Variants in MIOS observed in about 807,000 individuals in gnomAD.
MIOS encodes meiosis regulator for oocyte development, also known as GATOR2 complex protein MIOS.
Under a neutral mutation model 96.9 loss-of-function variants are expected in MIOS, and 52 were observed. That is an observed-to-expected ratio of 0.54 (90% CI 0.43 to 0.68). MIOS has a LOEUF of 0.68. Among genes scored for constraint, MIOS ranks in the 30% least tolerant of loss-of-function variants. The pLI, the probability that MIOS is intolerant of heterozygous loss-of-function variation, is 0.00. For missense variants in MIOS, 1,005 were observed against 1,052.8 expected, an observed-to-expected ratio of 0.95 and a Z score of 0.63; for synonymous variants, 397 against 359.5, an observed-to-expected ratio of 1.10 and a Z score of -1.18.
In MIOS at chr7:7,585,758, A is replaced by T. The variant is rs1783868800; in HGVS notation, c.1771A>T (p.Met591Leu). The T allele has an allele frequency of 6.2e-7, 1 of 1,611,910 alleles. No individual in the cohort carries two copies. The highest frequency in any genetic ancestry group is 1.3e-5 in the African/African-American group (1 of 74,798). Residue 591 changes from methionine to leucine, a missense_variant, in exon 7 of 13, where the codon ATG (methionine) becomes TTG (leucine). Met to Leu is a conservative substitution (Grantham distance 15). Coordinates refer to ENST00000340080, the MANE Select transcript of MIOS (RefSeq NM_019005.4). ...LQLNNPYLCVMFAFLTSETGS... is the reference protein window; with the variant it reads ...LQLNNPYLCVLFAFLTSETGS... ...GCTAAATAACCCGTATTTGTGTGTC[A>T]TGTTTGCATTTCTGACAAGTGAAAC...
Position 7,572,818 on chromosome 7 carries a change from C to T in MIOS, c.343C>T (p.Gln115Ter). The T allele has an allele frequency of 6.2e-7, 1 of 1,614,136 alleles. No homozygotes were observed. The highest frequency in any genetic ancestry group is 8.5e-7 in the Non-Finnish European group (1 of 1,179,986). Residue 115 changes from glutamine to a stop codon, truncating the protein, a stop_gained, in exon 4 of 13, where the codon CAA becomes TAA. Coordinates refer to ENST00000340080, the MANE Select transcript of MIOS (RefSeq NM_019005.4). LOFTEE classifies it high-confidence loss of function. The surrounding 1 kb of genome is among the most constrained non-coding windows in gnomAD (Gnocchi z 4.8). ...AGAGTTTGTTCCAAAACATGCACGA[C>T]AATGTAATACCCTTGCCTGGAATCC... ...GKEFVPKHARQCNTLAWNPLD... is the reference protein window; with the variant it reads ...GKEFVPKHAR
intron 11 of MIOS, among the ~76,000 whole-genome samples, chr7:7,597,231 C>T (rs1366600819): frequency 6.6e-6 from 1 of 151,158 alleles, no homozygotes; most frequent in African/African-American, 2.4e-5. Context: ...GAGGCTGAGG[C>T]AGGAGAATTG....
chr7:7,583,916 A>G (rs1783806324), intron 6 of MIOS, among the ~76,000 whole-genome samples: 2 of 152,138 alleles, frequency 1.3e-5, no homozygotes, highest in Admixed American at 1.3e-4. Context: ...TTTTAAAAAG[A>G]AAGAGATAAG....
At chr7:7,598,902 T>C (rs140598186) in intron 11 of MIOS, among the ~76,000 whole-genome samples, 3 of 152,240 alleles carry the variant, frequency 2.0e-5, no homozygotes, top group East Asian at 1.9e-4. Context: ...ATATTTGTTA[T>C]AGAATTTTTT....
At chr7:7,603,353 T>TC (rs1784433075) in intron 11 of MIOS, among the ~76,000 whole-genome samples, 1 of 151,472 alleles carries the variant, frequency 6.6e-6, no homozygotes, top group Non-Finnish European at 1.5e-5. Flanking sequence ...TACAATGAAC[T>TC]GAAACAAATT....
rs1783783917 is a variant in MIOS at position 7,583,169 on chromosome 7, A to C, written c.1445A>C (p.Asp482Ala). ...TGGAGTGGGTTGGATAAGCAAAGTGATATTCAAAATTTAAATGAAGAGAGA... is the reference window on the plus strand; with the variant it reads ...TGGAGTGGGTTGGATAAGCAAAGTGCTATTCAAAATTTAAATGAAGAGAGA... ...HNWSGLDKQS[D>A]IQNLNEERIL... Residue 482 changes from aspartate to alanine, a missense_variant, in exon 6 of 13, where the codon GAT (aspartate) becomes GCT (alanine). Physicochemically the swap from Asp to Ala is moderately radical, Grantham distance 126. This residue lies in a region of MIOS where 865 missense variants were observed against 887.9 expected (regional missense o/e 0.97). Transcript: ENST00000340080. The C allele has an allele frequency of 6.2e-7, 1 of 1,614,168 alleles. No homozygotes were observed. Among genetic ancestry groups the C allele is most frequent in the Non-Finnish European group, 8.5e-7 (1 of 1,179,992 alleles).
chr7:7,569,057 G>C (rs1783255288), intron 3 of MIOS, among the ~76,000 whole-genome samples: 1 of 152,358 alleles, frequency 6.6e-6, no homozygotes, highest in African/African-American at 2.4e-5. Context: ...GTTGTGGAAT[G>C]AAAGCCTAGA....
chr7:7,575,334 A>G (rs1783494741), intron 5 of MIOS, among the ~76,000 whole-genome samples: 1 of 152,052 alleles, frequency 6.6e-6, no homozygotes. Flanking sequence ...ACGTCTTTCA[A>G]ATTACTTTGG....
At chr7:7,603,798 A>G (rs1266334447) in intron 11 of MIOS, among the ~76,000 whole-genome samples, 2 of 152,022 alleles carry the variant, frequency 1.3e-5, no homozygotes, top group Non-Finnish European at 2.9e-5. Flanking sequence ...AATAGCAAAG[A>G]CTTGGAACCA....
chr7:7,599,398 T>G (rs1288676544), intron 11 of MIOS, among the ~76,000 whole-genome samples: 3 of 152,132 alleles, frequency 2.0e-5, no homozygotes, highest in African/African-American at 7.2e-5. Flanking sequence ...ACCCCCAACA[T>G]GAATTAGGAC....
intron 5 of MIOS, among the ~76,000 whole-genome samples, chr7:7,577,364 T>A (rs1783570006): frequency 6.6e-6 from 1 of 152,188 alleles, no homozygotes; most frequent in Non-Finnish European, 1.5e-5. Context: ...GCAGTTATAT[T>A]AGAAATTCAG....
intron 5 of MIOS, among the ~76,000 whole-genome samples, chr7:7,581,015 T>C (rs1783705093): frequency 6.7e-6 from 1 of 150,348 alleles, no homozygotes; most frequent in South Asian, 2.1e-4. Context: ...TCATTTAGTC[T>C]GAATACTTGA....
At chr7:7,567,099 C>T (rs867165501) in intron 1 of MIOS, 27 bp downstream of exon 1, 4 of 151,974 alleles carry the variant, frequency 2.6e-5, no homozygotes, top group African/African-American at 9.7e-5. Flanking sequence ...CGGTTCGCGT[C>T]TCGACTCTCG....
chr7:7,580,947 A>T (rs1783699878), intron 5 of MIOS, among the ~76,000 whole-genome samples: 1 of 148,946 alleles, frequency 6.7e-6, no homozygotes, highest in Non-Finnish European at 1.5e-5. Context: ...TCGTCCTCCC[A>T]AAGTGCTGGG....
chr7:7,594,644 T>C (rs1000914816), intron 9 of MIOS, among the ~76,000 whole-genome samples: 1 of 152,130 alleles, frequency 6.6e-6, no homozygotes, highest in Admixed American at 6.6e-5. Context: ...ACCCAGAGGT[T>C]TTTAATTGCT....
chr7:7,605,661 A>C (rs114049976), intron 11 of MIOS: 1 of 244,438 alleles, frequency 4.1e-6, no homozygotes, highest in Non-Finnish European at 7.9e-6. Flanking sequence ...CCTTGTGGAA[A>C]GATTTTAAAC....
chr7:7,593,890 AAAAAAG>A lies in MIOS; in HGVS notation c.2044-1079_2044-1074del, dbSNP rs796955191. On this transcript the variant is annotated intron_variant, in intron 9 of 12. Transcript: ENST00000340080. The stretch of plus-strand genomic sequence containing the variant: ...TGAGACTCTGTCTCCAAAAAAAAAA[AAAAAAG>A]AAAAAGAAAAGAAAAAAAGAAAACC... Among the ~76,000 whole-genome samples, 163 of 104,390 alleles carry A rather than the reference AAAAAAG, an allele frequency of 1.6e-3. 2 individuals carry two copies. Among genetic ancestry groups the A allele is most frequent in the African/African-American group, 5.6e-3 (154 of 27,668 alleles). 68.5% of individuals were successfully genotyped at this position (104,390 alleles called of 152,430 possible). A position where few individuals can be genotyped will look rare whatever the true frequency, so the allele number is the denominator to read the frequency against.
intron 6 of MIOS, among the ~76,000 whole-genome samples, chr7:7,584,942 G>C (rs1038865152): frequency 3.3e-5 from 5 of 152,150 alleles, no homozygotes; most frequent in Non-Finnish European, 7.4e-5. Context: ...ATGCAGTTCT[G>C]TGGTAATTCT....
At chr7:7,591,892 T>C (rs777512885) in intron 9 of MIOS, among the ~76,000 whole-genome samples, 5 of 152,294 alleles carry the variant, frequency 3.3e-5, no homozygotes, top group East Asian at 1.9e-4. Context: ...TTATTACATA[T>C]GTATTAAACC....
Sources: gnomAD v4.1 joint callset for allele counts (sites outside exome capture counted in the v4.1 genomes callset) on GRCh38, gnomAD v4.1.1 for gene constraint, gnomAD v4.1.1 regional missense constraint, Gnocchi (gnomAD v3.1) non-coding constraint, MANE v1.5 for transcripts, NCBI Gene and HGNC (gene_info 2026-07-23, HGNC 2026-07-21) for gene names.